TMED3: variants seen among roughly 807,000 people sequenced by gnomAD.
TMED3 encodes transmembrane emp24 domain-containing protein 3.
In TMED3, 9 loss-of-function variants were observed where a neutral mutation model predicts 15.0. The ratio of observed to expected loss-of-function variants is 0.60; its 90% confidence interval spans 0.36 to 1.04. The LOEUF is 1.04. TMED3 is among the 50% of genes least tolerant of loss of function. The pLI, the probability that TMED3 is intolerant of heterozygous loss-of-function variation, is 0.01. For synonymous variants in TMED3, 117 were observed against 121.4 expected (o/e 0.96, Z 0.24); for missense variants, 267 against 278.9 (o/e 0.96, Z 0.30).
intron 2 of TMED3, among the ~76,000 whole-genome samples, chr15:79,376,952 G>C (rs895203824): frequency 1.3e-5 from 2 of 152,044 alleles, no homozygotes; most frequent in African/African-American, 4.8e-5. Context: ...GTCAGTGGGA[G>C]GTGGGGTCAA....
intron 2 of TMED3, among the ~76,000 whole-genome samples, chr15:79,347,728 T>C (rs1371579674): frequency 1.3e-5 from 2 of 152,278 alleles, no homozygotes; most frequent in Admixed American, 6.5e-5. Context: ...AACATTCTTA[T>C]ACGCCAACAA....
At chr15:79,390,803 A>G (rs1893686383) in intron 2 of TMED3, among the ~76,000 whole-genome samples, 1 of 151,920 alleles carries the variant, frequency 6.6e-6, no homozygotes, top group South Asian at 2.1e-4. Flanking sequence ...TTCCTAATTT[A>G]AATTAGGAGG....
intron 2 of TMED3, among the ~76,000 whole-genome samples, chr15:79,342,010 T>C (rs537953435): frequency 2.0e-5 from 3 of 152,196 alleles, no homozygotes; most frequent in Admixed American, 6.5e-5. Flanking sequence ...AAAATAAAAA[T>C]GACACATAAA....
chr15:79,345,182 A>C (rs536120152), intron 2 of TMED3, among the ~76,000 whole-genome samples: 2 of 152,250 alleles, frequency 1.3e-5, no homozygotes, highest in African/African-American at 4.8e-5. Context: ...TCAGGGGTAC[A>C]TGTGCAGGTT....
At chr15:79,323,129 T>C (rs561326717), downstream of TMED3, among the ~76,000 whole-genome samples, 25 of 152,352 alleles carry the variant, frequency 1.6e-4, no homozygotes, top group South Asian at 5.0e-3. Context: ...CTCCATCATT[T>C]CCTTCTGACC....
intron 2 of TMED3, among the ~76,000 whole-genome samples, chr15:79,389,390 A>C (rs1477726040): frequency 6.6e-6 from 1 of 152,124 alleles, no homozygotes; most frequent in African/African-American, 2.4e-5. Flanking sequence ...GTCGAAGATC[A>C]GTTGTCTGTA....
intron 2 of TMED3, among the ~76,000 whole-genome samples, chr15:79,376,235 A>T (rs1893425195): frequency 6.6e-6 from 1 of 151,802 alleles, no homozygotes. Flanking sequence ...TCTTTAAGTT[A>T]AAGTATAACA....
At chr15:79,355,305 C>G (rs1171220116) in intron 2 of TMED3, among the ~76,000 whole-genome samples, 1 of 152,150 alleles carries the variant, frequency 6.6e-6, no homozygotes, top group Non-Finnish European at 1.5e-5. Context: ...AGAAGGGGCC[C>G]TATAGACTCA....
intron 2 of TMED3, among the ~76,000 whole-genome samples, chr15:79,370,256 A>ATTTTTTTTTTTTTTTTTTTTTTT (rs398028085): frequency 9.5e-6 from 1 of 104,950 alleles, no homozygotes. Context: ...TGCCCAGCTA[A>ATTTTTTTTTTTTTTTTTTTTTTT]TTTTTTTTTT....
chr15:79,330,271 T>C (rs1271680246), intron 2 of TMED3, among the ~76,000 whole-genome samples: 1 of 152,168 alleles, frequency 6.6e-6, no homozygotes, highest in Admixed American at 6.5e-5. Context: ...AATGACATGG[T>C]CTTATTCCTA....
At chr15:79,323,336 G>A (rs79997501), downstream of TMED3, among the ~76,000 whole-genome samples, 786 of 152,316 alleles carry the variant, frequency 5.2e-3, 6 homozygotes, top group Middle Eastern at 0.027. Context: ...CCGTCTGACA[G>A]GCGTTAATGC....
At chr15:79,378,232 A>T (rs1411656588) in intron 2 of TMED3, among the ~76,000 whole-genome samples, 1 of 152,210 alleles carries the variant, frequency 6.6e-6, no homozygotes, top group East Asian at 1.9e-4. Context: ...AGCAACAGAG[A>T]TGTATTATAA....
In TMED3 at chr15:79,311,274, G is replaced by A; in HGVS notation, c.25G>A (p.Ala9Thr). 1 of 1,604,532 alleles carries A rather than the reference G, an allele frequency of 6.2e-7. No homozygotes were observed. The highest frequency in any genetic ancestry group is 8.5e-7 in the Non-Finnish European group (1 of 1,177,028). ...CATGGGCAGCACTGTCCCGCGCTCC[G>A]CCTCCGTGCTGCTTCTGCTGCTGCT... MGSTVPRS[A>T]SVLLLLLLLR... The change falls in exon 1 of 3, where the codon GCC becomes ACC. Residue 9 changes from alanine to threonine, a missense_variant. Transcript: ENST00000299705.
In TMED3 at chr15:79,322,076, A is replaced by T. The variant is rs906439; in HGVS notation, c.516A>T (p.Ala172=). The change falls in exon 3 of 3, where the codon GCA becomes GCT. Residue 172 remains alanine (A), a synonymous_variant. Transcript: ENST00000299705. Reference sequence around the variant, plus strand: ...GGGAGGCCCAGGACCGGGCCCGAGCAGAAGACCTTAATAGCCGAGTCTCTT... The same window carrying T: ...GGGAGGCCCAGGACCGGGCCCGAGCTGAAGACCTTAATAGCCGAGTCTCTT... ...RLREAQDRAR[A]EDLNSRVSYW... is the part of the protein sequence containing the mutation. The T allele has an allele frequency of 1.2e-6, 2 of 1,614,100 alleles. No individual in the cohort carries two copies. Among genetic ancestry groups the T allele is most frequent in the Admixed American group, 1.7e-5 (1 of 60,014 alleles).
rs536979069 is a variant in TMED3 at position 79,374,789 on chromosome 15, G to A, written c.418-36611G>A. 9.9e-5 allele frequency among the ~76,000 whole-genome samples: 15 copies of A among 152,278 alleles called. No individual in the cohort carries two copies. In the South Asian group the frequency reaches 2.7e-3, roughly 27 times the overall value. ...ATTTGCAAATGGACCAGGGCAAACAGGTGGATCACATTAACTCTGCTTTGG... is the reference window on the plus strand; with the variant it reads ...ATTTGCAAATGGACCAGGGCAAACAAGTGGATCACATTAACTCTGCTTTGG... On this transcript the variant is annotated intron_variant, in intron 2 of 2. Coordinates refer to the TMED3 transcript ENST00000424155.
At chr15:79,322,873 A>ATT, downstream of TMED3, 1 of 985,494 alleles carries the variant, frequency 1.0e-6, no homozygotes, top group Middle Eastern at 5.2e-4. Context: ...CTTTGCCCTA[A>ATT]AGGACTCCAG....
intron 2 of TMED3, among the ~76,000 whole-genome samples, chr15:79,366,898 A>ATT (rs34189489): frequency 4.6e-5 from 7 of 151,434 alleles, no homozygotes; most frequent in South Asian, 4.2e-4. Context: ...TTTAAGGTGC[A>ATT]TTTTTTTTTC....
At position 79,311,146 on chromosome 15, in the gene TMED3, TCTATCCCC is replaced by T; in HGVS notation, c.-103_-96del. On this transcript the variant is annotated 5_prime_UTR_variant, in exon 1 of 3. Coordinates refer to ENST00000299705, the MANE Select transcript of TMED3 (RefSeq NM_007364.4). ...AGCGCAGAGCTCCGCTGGTGCCACG[TCTATCCCC>T]TTACATCCTCCTAGGACCCGGTCGG... The T allele has an allele frequency of 7.7e-7, 1 of 1,294,968 alleles. No homozygotes were observed. 80.2% of individuals were successfully genotyped at this position (1,294,968 alleles called of 1,614,324 possible).
chr15:79,379,653 T>C (rs1893487663), intron 2 of TMED3, among the ~76,000 whole-genome samples: 1 of 152,214 alleles, frequency 6.6e-6, no homozygotes, highest in Non-Finnish European at 1.5e-5. Context: ...TGTATTTGTG[T>C]ATTAAACAGT....
Sources: allele counts gnomAD v4.1 joint callset (sites outside exome capture counted in the v4.1 genomes callset), GRCh38; gene constraint gnomAD v4.1.1; transcripts MANE v1.5; gene names NCBI Gene and HGNC (gene_info 2026-07-23, HGNC 2026-07-21).